Variants in ADAP2 observed in about 807,000 individuals in gnomAD.
ADAP2 encodes ArfGAP with dual PH domains 2.
In ADAP2, 42 loss-of-function variants were observed where a neutral mutation model predicts 54.9. The ratio of observed to expected loss-of-function variants is 0.77; its 90% CI spans 0.60 to 0.99. ADAP2 has a LOEUF of 0.99. ADAP2 is among the 50% of genes least tolerant of loss of function. The pLI, the probability that ADAP2 is intolerant of heterozygous loss-of-function variation, is 0.00. For synonymous variants in ADAP2, 177 were observed against 180.1 expected, an observed-to-expected ratio of 0.98 and a Z score of 0.14; for missense variants, 429 against 480.4, an observed-to-expected ratio of 0.89 and a Z score of 1.00.
At chr17:30,925,585 T>TTTTC (rs773163289) in intron 2 of ADAP2, among the ~76,000 whole-genome samples, 3 of 150,726 alleles carry the variant, frequency 2.0e-5, no homozygotes, top group Non-Finnish European at 4.4e-5. Flanking sequence ...TTTTCTTTTC[T>TTTTC]TTTCTTTCTT....
intron 1 of ADAP2, among the ~76,000 whole-genome samples, chr17:30,922,575 C>G (rs1184657269): frequency 6.6e-6 from 1 of 152,136 alleles, no homozygotes; most frequent in Non-Finnish European, 1.5e-5. Context: ...CCAGACGCCC[C>G]CCGAAGGCCT....
chr17:30,937,128 C>A (rs895321970), intron 5 of ADAP2, among the ~76,000 whole-genome samples: 1 of 151,698 alleles, frequency 6.6e-6, no homozygotes, highest in Non-Finnish European at 1.5e-5. Flanking sequence ...GTTCCACCAT[C>A]TTGGCCAGGC....
chr17:30,924,983 G>A (rs1158782248), intron 2 of ADAP2, among the ~76,000 whole-genome samples: 1 of 145,098 alleles, frequency 6.9e-6, no homozygotes, highest in Non-Finnish European at 1.5e-5. Context: ...AGCGATTCTT[G>A]TGCCTCAGCC....
chr17:30,954,418 T>C (rs1904905002), intron 8 of ADAP2, 60 bp from the exon 9 acceptor site: 1 of 1,505,478 alleles, frequency 6.6e-7, no homozygotes, highest in African/African-American at 1.4e-5. Flanking sequence ...GGCTGGCCCC[T>C]GACCTCTATC....
intron 5 of ADAP2, among the ~76,000 whole-genome samples, chr17:30,935,277 A>G (rs1209055652): frequency 1.3e-5 from 2 of 152,188 alleles, no homozygotes; most frequent in African/African-American, 4.8e-5. Flanking sequence ...CTGAGGCAGG[A>G]GTATCACTTG....
At position 30,953,344 on chromosome 17, in the gene ADAP2, G is replaced by T; in HGVS notation, c.798G>T (p.Gly266=). 6.2e-7 allele frequency: 1 copy of T among 1,613,838 alleles called. No homozygotes were observed. The change falls in exon 8 of 11, where the codon GGG becomes GGT. Residue 266 remains glycine (G), a synonymous_variant. Coordinates refer to ENST00000330889, the MANE Select transcript of ADAP2 (RefSeq NM_018404.3). ...YLKQGFMEKT[G]PKQKEPFKKR... is the part of the protein sequence containing the mutation. ...AACAAGGCTTCATGGAAAAGACTGG[G>T]CCAAAGGTACCTTCTATCACTCCCT...
Position 30,958,041 on chromosome 17 carries a change from T to C in ADAP2, c.*172T>C, listed in dbSNP as rs1367892250. ...CTTTATCCATCAGCTCCCTGGGCCT[T>C]CCCCGCAACCCACCTCGGGGATCTG... is the stretch of plus-strand genomic sequence containing the variant. On this transcript the variant is annotated 3_prime_UTR_variant, in exon 11 of 11. Coordinates refer to ENST00000330889, the MANE Select transcript of ADAP2 (RefSeq NM_018404.3). 2 of 655,234 alleles carry C rather than the reference T, an allele frequency of 3.1e-6. No individual in the cohort carries two copies. The highest frequency in any genetic ancestry group is 5.5e-6 in the Non-Finnish European group (2 of 365,574). 40.6% of individuals were successfully genotyped at this position (655,234 alleles called of 1,614,324 possible). A position where few individuals can be genotyped will look rare whatever the true frequency, so the allele number is the denominator to read the frequency against.
At chr17:30,950,759 A>G (rs941963354) in intron 7 of ADAP2, among the ~76,000 whole-genome samples, 3 of 152,180 alleles carry the variant, frequency 2.0e-5, no homozygotes, top group African/African-American at 7.2e-5. Flanking sequence ...CCCGAGTCAG[A>G]GCCCTTGAGT....
chr17:30,951,654 CTTT>C (rs1053982493), intron 7 of ADAP2, among the ~76,000 whole-genome samples: 20,054 of 120,782 alleles, frequency 0.17, 5,260 homozygotes, highest in African/African-American at 0.6. Flanking sequence ...CTTTTCTTTT[CTTT>C]TTTTTTTTTT....
intron 2 of ADAP2, among the ~76,000 whole-genome samples, chr17:30,924,465 C>G (rs916985922): frequency 6.6e-6 from 1 of 152,132 alleles, no homozygotes; most frequent in Non-Finnish European, 1.5e-5. Context: ...TCCTTTCCCC[C>G]TAGGCAGAAA....
At chr17:30,926,170 C>T (rs187155585) in intron 2 of ADAP2, among the ~76,000 whole-genome samples, 2 of 152,326 alleles carry the variant, frequency 1.3e-5, no homozygotes, top group East Asian at 3.9e-4. Flanking sequence ...AGGAGCAATG[C>T]TCCTCTCCTG....
chr17:30,946,789 C>T (rs773002512), intron 6 of ADAP2, among the ~76,000 whole-genome samples: 1 of 152,170 alleles, frequency 6.6e-6, no homozygotes, highest in Non-Finnish European at 1.5e-5. Flanking sequence ...GTAACTTGCT[C>T]AGGGTCACAG....
In ADAP2 at chr17:30,934,252, A is replaced by T; in HGVS notation, c.465A>T (p.Val155=). 1 of 1,614,170 alleles carries T rather than the reference A, an allele frequency of 6.2e-7. No homozygotes were observed. The highest frequency in any genetic ancestry group is 8.5e-7 in the Non-Finnish European group (1 of 1,179,992). The change falls in exon 5 of 11, where the codon GTA becomes GTT. Residue 155 remains valine, a synonymous_variant. Transcript: ENST00000330889. ...DNSQFLRRKF[V]LLAREGLLKY... ...CACAGTTTCTGAGAAGGAAGTTTGT[A>T]CTTCTGGCAAGAGAAGGCCTCCTGA... is the stretch of plus-strand genomic sequence containing the variant.
chr17:30,956,832 T>C (rs2142609478), intron 10 of ADAP2: 1 of 245,308 alleles, frequency 4.1e-6, no homozygotes, highest in South Asian at 6.1e-5. Flanking sequence ...TGGCCTGTTA[T>C]TATTAGCTAA....
At chr17:30,955,113 AT>A (rs113617171) in intron 9 of ADAP2, among the ~76,000 whole-genome samples, 30,854 of 145,050 alleles carry the variant, frequency 0.21, 9,869 homozygotes, top group African/African-American at 0.7. Context: ...GGTATCACTT[AT>A]TTTTTTTTTT....
chr17:30,949,229 G>T, intron 6 of ADAP2, 58 bp from the exon 7 acceptor site: 1 of 1,434,974 alleles, frequency 7.0e-7, no homozygotes, highest in Non-Finnish European at 9.8e-7. Context: ...ACCAGAGGTA[G>T]CTTCCCACCC....
intron 5 of ADAP2, among the ~76,000 whole-genome samples, chr17:30,936,198 A>G (rs1319862905): frequency 6.6e-6 from 1 of 152,112 alleles, no homozygotes; most frequent in Non-Finnish European, 1.5e-5. Flanking sequence ...TCTGTTGGCC[A>G]GGCTGGAGTG....
chr17:30,951,660 T>C (rs1021048359), intron 7 of ADAP2, among the ~76,000 whole-genome samples: 10 of 143,852 alleles, frequency 7.0e-5, no homozygotes, highest in South Asian at 2.2e-4. Context: ...TTTTCTTTTT[T>C]TTTTTTTTTT....
In ADAP2 at chr17:30,931,800, G is replaced by A. The variant is rs111810644; in HGVS notation, c.318-89G>A. 54 of 957,170 alleles carry A rather than the reference G, an allele frequency of 5.6e-5. 3 individuals are homozygous for A. The highest frequency in any genetic ancestry group is 5.4e-4 in the African/African-American group (32 of 59,562). The allele number at this position is 957,170 out of a possible 1,614,324, so 59.3% of individuals were successfully genotyped here. On this transcript the variant is annotated intron_variant, in intron 3 of 10. Transcript: ENST00000330889. ...CACGTGATCACACCACTGCACTCCA[G>A]CCTGGGCAACAGAGGGAGACCCTGT...
Sources: gnomAD v4.1 joint callset for allele counts (sites outside exome capture counted in the v4.1 genomes callset) on GRCh38, gnomAD v4.1.1 for gene constraint, MANE v1.5 for transcripts, NCBI Gene and HGNC (gene_info 2026-07-23, HGNC 2026-07-21) for gene names.